RBM20: variants seen among roughly 807,000 people sequenced by gnomAD.
The protein encoded by RBM20 is RNA binding motif protein 20.
Under a neutral mutation model 110.1 loss-of-function variants are expected in RBM20, and 51 were observed. The observed-to-expected ratio is 0.46, with a 90% CI of 0.37 to 0.59. The LOEUF is 0.59. RBM20 is among the 20% of genes least tolerant of loss of function. The pLI, the probability that RBM20 is intolerant of heterozygous loss-of-function variation, is 0.00. For missense variants in RBM20, 1,512 were observed against 1,574.9 expected, an observed-to-expected ratio of 0.96 and a Z score of 0.68; for synonymous variants, 589 against 618.2, an observed-to-expected ratio of 0.95 and a Z score of 0.70.
chr10:110,779,961 T>A (rs1844315601), intron 1 of RBM20, among the ~76,000 whole-genome samples: 1 of 152,160 alleles, frequency 6.6e-6, no homozygotes, highest in Non-Finnish European at 1.5e-5. Context: ...TTAGAGCATA[T>A]AGATTTTCTC....
intron 1 of RBM20, among the ~76,000 whole-genome samples, chr10:110,707,519 T>C (rs879644723): frequency 1.3e-5 from 2 of 152,250 alleles, no homozygotes; most frequent in African/African-American, 4.8e-5. Flanking sequence ...ACAGAATGAA[T>C]GGTTTTAAAA....
chr10:110,700,701 A>AATGGG (rs1359578326), intron 1 of RBM20, among the ~76,000 whole-genome samples: 2 of 152,168 alleles, frequency 1.3e-5, no homozygotes, highest in Non-Finnish European at 1.5e-5. Context: ...CAAAGCAGGA[A>AATGGG]ATGGGATGGG....
At chr10:110,791,783 C>T (rs193119484) in intron 5 of RBM20, among the ~76,000 whole-genome samples, 1 of 152,268 alleles carries the variant, frequency 6.6e-6, no homozygotes, top group East Asian at 1.9e-4. Context: ...CTAAAGCCTC[C>T]CTGAGGCTGA....
At chr10:110,732,683 G>T (rs957284706) in intron 1 of RBM20, among the ~76,000 whole-genome samples, 6 of 152,122 alleles carry the variant, frequency 3.9e-5, no homozygotes, top group African/African-American at 1.2e-4. Flanking sequence ...CCCATCGTTG[G>T]GTTCCAGAGC....
At chr10:110,691,230 C>T (rs1057339710) in intron 1 of RBM20, among the ~76,000 whole-genome samples, 26 of 152,204 alleles carry the variant, frequency 1.7e-4, no homozygotes, top group Admixed American at 1.1e-3. Flanking sequence ...GACTTCCCAG[C>T]CTTCAGAACT....
chr10:110,661,988 G>A lies in RBM20; in HGVS notation c.191+17343G>A, dbSNP rs374421747. ...ATCATGCCATTGCACTCCAGCCTGG[G>A]TGACAGAGCAAGACTGGTCTCAGGA... On this transcript the variant is annotated intron_variant, in intron 1 of 13. Coordinates refer to ENST00000369519, the MANE Select transcript of RBM20 (RefSeq NM_001134363.3). Among the ~76,000 whole-genome samples the A allele has an allele frequency of 9.4e-5, 14 of 149,068 alleles. No individual in the cohort carries two copies. In the South Asian group the frequency reaches 2.5e-3, roughly 27 times the overall value.
intron 13 of RBM20, chr10:110,835,587 C>T (rs531264601): frequency 5.4e-5 from 11 of 202,340 alleles, no homozygotes; most frequent in Admixed American, 1.2e-4. Flanking sequence ...CCACCCACCT[C>T]GGCCTCCCAA....
At chr10:110,736,830 C>A (rs1275169748) in intron 1 of RBM20, among the ~76,000 whole-genome samples, 3 of 151,966 alleles carry the variant, frequency 2.0e-5, no homozygotes, top group Non-Finnish European at 4.4e-5. Flanking sequence ...AGAGGTGGAG[C>A]CTTTGGGAAG....
chr10:110,770,527 GAC>G (rs1844172801), intron 1 of RBM20, among the ~76,000 whole-genome samples: 1 of 152,192 alleles, frequency 6.6e-6, no homozygotes, highest in Non-Finnish European at 1.5e-5. Flanking sequence ...ACTTAAAACC[GAC>G]ACAGTCTTCC....
At chr10:110,773,482 G>GT in intron 1 of RBM20, among the ~76,000 whole-genome samples, 1 of 151,888 alleles carries the variant, frequency 6.6e-6, no homozygotes, top group East Asian at 1.9e-4. Context: ...TCATATTTCT[G>GT]TATTTTAAAA....
intron 1 of RBM20, among the ~76,000 whole-genome samples, chr10:110,672,640 C>T (rs1007222137): frequency 6.6e-6 from 1 of 152,260 alleles, no homozygotes; most frequent in Admixed American, 6.5e-5. Flanking sequence ...GGGGACGTTT[C>T]AGACCTGGGG....
At position 110,781,241 on chromosome 10, in the gene RBM20, C is replaced by G; in HGVS notation, c.632C>G (p.Ala211Gly). 1 of 1,551,718 alleles carries G rather than the reference C, an allele frequency of 6.4e-7. No individual in the cohort carries two copies. The highest frequency in any genetic ancestry group is 8.7e-7 in the Non-Finnish European group (1 of 1,147,000). The change falls in exon 2 of 14, where the codon GCA becomes GGA. Residue 211 changes from alanine to glycine, a missense_variant. Ala to Gly is a moderately conservative substitution (Grantham distance 60, BLOSUM62 0). Around this residue, in one of 3 missense-constraint regions of RBM20, gnomAD observed 1,149 missense variants for 1,169.4 expected, o/e 0.98. Transcript: ENST00000369519. ...ATGCCTCAGACCCCTGGCCAGCCAGCAGTCATCTTGGGCATTGGCAAGACT... is the reference window on the plus strand; with the variant it reads ...ATGCCTCAGACCCCTGGCCAGCCAGGAGTCATCTTGGGCATTGGCAAGACT... ...GVMPQTPGQPAVILGIGKTGP... is the reference protein window; with the variant it reads ...GVMPQTPGQPGVILGIGKTGP...
intron 12 of RBM20, among the ~76,000 whole-genome samples, chr10:110,826,828 G>A (rs1844987894): frequency 6.6e-6 from 1 of 151,982 alleles, no homozygotes; most frequent in African/African-American, 2.4e-5. Context: ...CCTGACCTCA[G>A]GTGATCCACC....
chr10:110,655,562 G>T lies in RBM20; in HGVS notation c.191+10917G>T, dbSNP rs534491887. Among the ~76,000 whole-genome samples, 118 of 152,238 alleles carry T rather than the reference G, an allele frequency of 7.8e-4. 1 individual carries two copies. Among genetic ancestry groups the T allele is most frequent in the Non-Finnish European group, 1.5e-3 (99 of 68,016 alleles). The stretch of plus-strand genomic sequence containing the variant: ...TTTTTGAACCAATTCAGAAAACCAG[G>T]ATTCTGCAATGATTAAAGTGTCCAA... On this transcript the variant is annotated intron_variant, in intron 1 of 13. Transcript: ENST00000369519.
rs1355875202 is a variant in RBM20 at position 110,835,870 on chromosome 10, A to AT, written c.3577dup (p.Tyr1193LeufsTer18). On this transcript the variant is annotated frameshift_variant, in exon 14 of 14. Transcript: ENST00000369519. LOFTEE classifies it high-confidence loss of function. ...CACTTCCCCTCTTCTTTCCACAGAA[A>AT]TATTTGTCCCAGCTGGCCGAGGAGG... 1 of 1,550,816 alleles carries AT rather than the reference A, an allele frequency of 6.4e-7. No homozygotes were observed.
intron 1 of RBM20, among the ~76,000 whole-genome samples, chr10:110,681,068 G>A (rs1862416749): frequency 6.6e-6 from 1 of 152,212 alleles, no homozygotes; most frequent in Non-Finnish European, 1.5e-5. Flanking sequence ...AGAAACAGGG[G>A]CACCTTCTTC....
chr10:110,792,350 C>A (rs1289316442), intron 5 of RBM20, among the ~76,000 whole-genome samples: 1 of 152,168 alleles, frequency 6.6e-6, no homozygotes, highest in Non-Finnish European at 1.5e-5. Flanking sequence ...AATGCAGAAT[C>A]ATTGTAACAC....
intron 1 of RBM20, among the ~76,000 whole-genome samples, chr10:110,773,770 A>G (rs1844223897): frequency 6.6e-6 from 1 of 152,200 alleles, no homozygotes; most frequent in African/African-American, 2.4e-5. Flanking sequence ...TAAGTCCAGC[A>G]TGAAAGGCAG....
rs138133449 is a variant in RBM20, at chr10:110,779,026, G to A, written c.192-1775G>A. Among the ~76,000 whole-genome samples, 61 of 152,344 alleles carry A rather than the reference G, an allele frequency of 4.0e-4. No individual in the cohort carries two copies. The East Asian group carries it at 7.3e-3, about 18-fold the overall frequency. On this transcript the variant is annotated intron_variant, in intron 1 of 13. Coordinates refer to ENST00000369519, the MANE Select transcript of RBM20 (RefSeq NM_001134363.3). ...TATACTAGTTAGGTTTGAGAGCTCA[G>A]TTGAAGGGAACTGTGATATTGTGAG... is the stretch of plus-strand genomic sequence containing the variant.
Sources: allele counts gnomAD v4.1 joint callset (sites outside exome capture counted in the v4.1 genomes callset), GRCh38; gene constraint gnomAD v4.1.1; regional missense constraint gnomAD v4.1.1; transcripts MANE v1.5; gene names NCBI Gene and HGNC (gene_info 2026-07-23, HGNC 2026-07-21).